Variants in AUTS2 observed in about 807,000 individuals in gnomAD.
The protein encoded by AUTS2 is activator of transcription and developmental regulator AUTS2.
A neutral mutation model predicts 112.4 loss-of-function variants in AUTS2; 17 were observed. The ratio of observed to expected loss-of-function variants is 0.15; its 90% CI spans 0.10 to 0.23. The LOEUF (loss-of-function observed/expected upper bound fraction) is 0.23. Ranked by LOEUF, AUTS2 falls within the 10% of genes least tolerant of loss-of-function variation. The pLI, the probability that AUTS2 is intolerant of heterozygous loss-of-function variation, is 1.00. For missense variants in AUTS2, 1,510 were observed against 1,701.6 expected (o/e 0.89, Z 1.98); for synonymous variants, 751 against 702.7 (o/e 1.07, Z -1.09).
At chr7:69,657,306 G>C (rs890497347) in intron 1 of AUTS2, among the ~76,000 whole-genome samples, 1 of 152,184 alleles carries the variant, frequency 6.6e-6, no homozygotes, top group Non-Finnish European at 1.5e-5. Flanking sequence ...GAACCAGCGA[G>C]GTGCAGGCAA....
intron 5 of AUTS2, among the ~76,000 whole-genome samples, chr7:70,566,308 T>C (rs988172341): frequency 6.6e-6 from 1 of 152,210 alleles, no homozygotes; most frequent in Non-Finnish European, 1.5e-5. Flanking sequence ...TCAATTTCTA[T>C]GAAGATGGGA....
At chr7:70,136,322 A>G (rs1806559596) in intron 4 of AUTS2, among the ~76,000 whole-genome samples, 1 of 152,166 alleles carries the variant, frequency 6.6e-6, no homozygotes, top group Non-Finnish European at 1.5e-5. Context: ...TACATACCAG[A>G]TGTGTATTCA....
chr7:69,965,685 A>G (rs913240338), intron 2 of AUTS2, among the ~76,000 whole-genome samples: 3 of 152,186 alleles, frequency 2.0e-5, no homozygotes, highest in African/African-American at 7.2e-5. Context: ...GAGAGGGGCC[A>G]GTAGGAACAG....
At chr7:70,618,991 A>T (rs1296326869) in intron 5 of AUTS2, among the ~76,000 whole-genome samples, 4 of 152,230 alleles carry the variant, frequency 2.6e-5, no homozygotes, top group Admixed American at 2.0e-4. Flanking sequence ...GTATGTACAT[A>T]CACACCATAC....
intron 4 of AUTS2, among the ~76,000 whole-genome samples, chr7:70,298,648 T>C (rs892125897): frequency 6.6e-6 from 1 of 152,210 alleles, no homozygotes; most frequent in African/African-American, 2.4e-5. Flanking sequence ...GGCTGAGGCA[T>C]GAAGGATCTA....
chr7:69,857,133 C>T (rs541700634), intron 1 of AUTS2, among the ~76,000 whole-genome samples: 40 of 152,274 alleles, frequency 2.6e-4, no homozygotes, highest in African/African-American at 9.4e-4. Flanking sequence ...GAATTGTAGT[C>T]AGTCAGACAT....
intron 3 of AUTS2, among the ~76,000 whole-genome samples, chr7:70,121,085 A>T (rs896757235): frequency 3.3e-5 from 5 of 152,160 alleles, no homozygotes; most frequent in African/African-American, 1.2e-4. Flanking sequence ...GTGCCAAGAC[A>T]CTTCAATGGG....
intron 2 of AUTS2, among the ~76,000 whole-genome samples, chr7:69,996,495 G>C (rs929766160): frequency 6.6e-6 from 1 of 152,144 alleles, no homozygotes; most frequent in African/African-American, 2.4e-5. Flanking sequence ...ATAATTATTA[G>C]TTCTTTATCT....
intron 2 of AUTS2, among the ~76,000 whole-genome samples, chr7:69,974,132 G>C (rs1797965086): frequency 6.6e-6 from 1 of 151,514 alleles, no homozygotes; most frequent in Non-Finnish European, 1.5e-5. Flanking sequence ...TTAAATTACT[G>C]TTTTTCATAT....
At chr7:70,750,920 T>C (rs183652632) in intron 6 of AUTS2, among the ~76,000 whole-genome samples, 1 of 152,074 alleles carries the variant, frequency 6.6e-6, no homozygotes, top group African/African-American at 2.4e-5. Context: ...AAGTCATAAG[T>C]GTTGAAACTC....
intron 5 of AUTS2, among the ~76,000 whole-genome samples, chr7:70,675,103 C>CT (rs1000347713): frequency 2.2e-4 from 33 of 152,272 alleles, no homozygotes; most frequent in Non-Finnish European, 3.7e-4. Flanking sequence ...TCCTCCCCCC[C>CT]CTCAACTCCC....
chr7:70,763,363 G>T, intron 7 of AUTS2, 22 bp downstream of exon 7: 3 of 1,520,416 alleles, frequency 2.0e-6, no homozygotes, highest in Non-Finnish European at 2.7e-6. Flanking sequence ...GCTCTTCTTT[G>T]GCCTGACTTT....
chr7:70,117,104 G>GTTTTGTTTTTTTTTTTTTTTTTTTTTT lies in AUTS2; in HGVS notation c.523-1024_523-1023insGTTTTTTTTTTTTTTTTTTTTTTTTTT, dbSNP rs1562710088. Among the ~76,000 whole-genome samples, 3 of 78,460 alleles carry GTTTTGTTTTTTTTTTTTTTTTTTTTTT rather than the reference G, an allele frequency of 3.8e-5. 1 individual carries two copies. Among genetic ancestry groups the GTTTTGTTTTTTTTTTTTTTTTTTTTTT allele is most frequent in the African/African-American group, 9.7e-5 (2 of 20,694 alleles). The allele number at this position is 78,460 out of a possible 152,430, so 51.5% of individuals were successfully genotyped here. On this transcript the variant is annotated intron_variant, in intron 2 of 18. Transcript: ENST00000342771. ...ACGTAAACTTCATGAGATGACTTTT[G>GTTTTGTTTTTTTTTTTTTTTTTTTTTT]TTTTTTTTTTTTGTTTTTTTTTGTT...
At chr7:69,691,052 G>C (rs1391889248) in intron 1 of AUTS2, among the ~76,000 whole-genome samples, 1 of 152,188 alleles carries the variant, frequency 6.6e-6, no homozygotes, top group East Asian at 1.9e-4. Flanking sequence ...AAGTTGAGGA[G>C]ACCCAAAGTG....
intron 1 of AUTS2, among the ~76,000 whole-genome samples, chr7:69,746,637 G>T (rs1214950358): frequency 6.6e-6 from 1 of 152,122 alleles, no homozygotes; most frequent in Non-Finnish European, 1.5e-5. Context: ...TGTTTGAGGA[G>T]TAGCAAGGAC....
intron 4 of AUTS2, among the ~76,000 whole-genome samples, chr7:70,232,622 G>A (rs1275571587): frequency 2.6e-5 from 4 of 152,028 alleles, no homozygotes; most frequent in African/African-American, 7.2e-5. Context: ...CAGGTGATCC[G>A]CTTGCCTCGG....
At chr7:70,375,799 T>C (rs986994969) in intron 4 of AUTS2, among the ~76,000 whole-genome samples, 4 of 152,178 alleles carry the variant, frequency 2.6e-5, no homozygotes, top group African/African-American at 9.7e-5. Context: ...GTTTTCCAAT[T>C]ACATACAATA....
rs78067393 is a variant in AUTS2 at position 70,449,776 on chromosome 7, A to G, written c.690+13995A>G. Among the ~76,000 whole-genome samples, 460 of 152,340 alleles carry G rather than the reference A, an allele frequency of 3.0e-3. 1 individual carries two copies. Among genetic ancestry groups the G allele is most frequent in the African/African-American group, 0.01 (433 of 41,582 alleles). ...AGATTAGTTCTATCTTGCTTAAGCT[A>G]TTAAAAGCCATAGAAATACACAGGA... is the stretch of plus-strand genomic sequence containing the variant. On this transcript the variant is annotated intron_variant, in intron 5 of 18. Transcript: ENST00000342771.
chr7:70,688,169 T>A (rs1001561134), intron 5 of AUTS2, among the ~76,000 whole-genome samples: 11 of 152,170 alleles, frequency 7.2e-5, no homozygotes, highest in African/African-American at 9.7e-5. Context: ...CCCAGACACT[T>A]GTTGGGAGCC....
Sources: gnomAD v4.1 joint callset for allele counts (sites outside exome capture counted in the v4.1 genomes callset) on GRCh38, gnomAD v4.1.1 for gene constraint, MANE v1.5 for transcripts, NCBI Gene and HGNC (gene_info 2026-07-23, HGNC 2026-07-21) for gene names.